MAML2: variants seen among roughly 807,000 people sequenced by gnomAD.
MAML2 encodes the protein mastermind like transcriptional coactivator 2.
A neutral mutation model predicts 96.1 loss-of-function variants in MAML2; 22 were observed. That is an observed-to-expected ratio of 0.23 (90% CI 0.16 to 0.33). MAML2 has a LOEUF of 0.33. MAML2 is among the 10% of genes least tolerant of loss of function. The probability of loss-of-function intolerance (pLI) is 1.00; values close to 1 mark genes in which losing one functional copy is unlikely to be tolerated. For synonymous variants in MAML2, 561 were observed against 521.3 expected, an observed-to-expected ratio of 1.08 and a Z score of -1.04; for missense variants, 1,367 against 1,392.4, an observed-to-expected ratio of 0.98 and a Z score of 0.29.
In MAML2 at chr11:96,093,324, C is replaced by T. The variant is rs1859765019; in HGVS notation, c.707G>A (p.Ser236Asn). The T allele has an allele frequency of 1.2e-6, 2 of 1,613,856 alleles. No individual in the cohort carries two copies. Among genetic ancestry groups the T allele is most frequent in the African/African-American group, 1.3e-5 (1 of 74,900 alleles). ...GTTAGTCTTTCGCAGGGGTGCTTGGCTCATAGGCAAGGTCCCTGACATAAT... is the reference window on the plus strand; with the variant it reads ...GTTAGTCTTTCGCAGGGGTGCTTGGTTCATAGGCAAGGTCCCTGACATAAT... ...SQIMSGTLPM[S>N]QAPLRKTNTL... The change falls in exon 2 of 5, where the codon AGC (serine) becomes AAC (asparagine). Residue 236 changes from serine to asparagine, a missense_variant. Coordinates refer to ENST00000524717, the MANE Select transcript of MAML2 (RefSeq NM_032427.4).
In MAML2 at chr11:96,126,922, T is replaced by C. The variant is rs142720308; in HGVS notation, c.514-33405A>G. Among the ~76,000 whole-genome samples, 299 of 151,906 alleles carry C rather than the reference T, an allele frequency of 2.0e-3. 3 individuals carry two copies. The highest frequency in any genetic ancestry group is 6.8e-3 in the African/African-American group (281 of 41,386). ...TATGGACATGGGGGGGGTCAAATGG[T>C]AGGTATGAGAAAAAGGCTTGAGCAG... is the stretch of plus-strand genomic sequence containing the variant. On this transcript the variant is annotated intron_variant, in intron 1 of 4. Coordinates refer to ENST00000524717, the MANE Select transcript of MAML2 (RefSeq NM_032427.4).
chr11:96,108,520 T>C (rs904061778), intron 1 of MAML2, among the ~76,000 whole-genome samples: 12 of 152,188 alleles, frequency 7.9e-5, no homozygotes, highest in Non-Finnish European at 1.5e-4. Flanking sequence ...CTAACTAATG[T>C]ACCTCAGTTA....
chr11:96,308,046 AT>A (rs1863489424), intron 1 of MAML2, among the ~76,000 whole-genome samples: 1 of 152,164 alleles, frequency 6.6e-6, no homozygotes, highest in Non-Finnish European at 1.5e-5. Flanking sequence ...CTCATGGAAG[AT>A]TCTGGCTTCT....
intron 1 of MAML2, among the ~76,000 whole-genome samples, chr11:96,231,302 A>T (rs1260207168): frequency 6.6e-6 from 1 of 152,156 alleles, no homozygotes; most frequent in Non-Finnish European, 1.5e-5. Context: ...TACAGAAAGG[A>T]AATGCGTTGT....
chr11:96,222,086 CCAGGTAAGT>C (rs1862148660), intron 1 of MAML2, among the ~76,000 whole-genome samples: 1 of 152,254 alleles, frequency 6.6e-6, no homozygotes, highest in African/African-American at 2.4e-5. Context: ...GAAAATGTTT[CCAGGTAAGT>C]CTTCAGGCTG....
Position 96,092,766 on chromosome 11 carries a change from C to T in MAML2, c.1265G>A (p.Arg422Gln), listed in dbSNP as rs559230872. The stretch of plus-strand genomic sequence containing the variant: ...TACTTCCTGCCAGCTTGGCAAGGCC[C>T]GGCTTGCTCCGGAGCCTGTCTGAGG... The part of the protein sequence containing the change: ...AQPQTGSGAS[R>Q]ALPSWQEVSH... The change falls in exon 2 of 5, where the codon CGG (arginine) becomes CAG (glutamine). Residue 422 changes from arginine (R) to glutamine (Q), a missense_variant. Transcript: ENST00000524717. This position sits in a 1 kb window ranked among gnomAD's most constrained non-coding sequence, Gnocchi z 4.1. The T allele has an allele frequency of 7.8e-5, 126 of 1,613,400 alleles. No homozygotes were observed. The highest frequency in any genetic ancestry group is 5.6e-4 in the East Asian group (25 of 44,870).
chr11:96,043,024 G>A (rs931392242), intron 2 of MAML2, among the ~76,000 whole-genome samples: 1 of 152,166 alleles, frequency 6.6e-6, no homozygotes, highest in Admixed American at 6.5e-5. Context: ...GGGATTACAG[G>A]CATGAGCCAC....
At chr11:96,339,754 A>C (rs1863967078) in intron 1 of MAML2, among the ~76,000 whole-genome samples, 1 of 152,206 alleles carries the variant, frequency 6.6e-6, no homozygotes, top group African/African-American at 2.4e-5. Flanking sequence ...GGTGACACAC[A>C]CATACATACA....
At chr11:96,085,225 G>T (rs1040954170) in intron 2 of MAML2, among the ~76,000 whole-genome samples, 3 of 152,008 alleles carry the variant, frequency 2.0e-5, no homozygotes, top group African/African-American at 7.3e-5. Context: ...AATGTAAAAG[G>T]GTTAAGATGA....
At chr11:96,051,186 G>A (rs182600132) in intron 2 of MAML2, among the ~76,000 whole-genome samples, 7 of 152,204 alleles carry the variant, frequency 4.6e-5, no homozygotes, top group Non-Finnish European at 8.8e-5. Flanking sequence ...CCATCCATCC[G>A]TCCAATATTT....
intron 1 of MAML2, among the ~76,000 whole-genome samples, chr11:96,148,316 A>T (rs1350574762): frequency 6.6e-6 from 1 of 152,294 alleles, no homozygotes; most frequent in African/African-American, 2.4e-5. Context: ...ATAAAACAGA[A>T]GGTCTGATTT....
At chr11:96,331,534 C>T (rs1375729831) in intron 1 of MAML2, among the ~76,000 whole-genome samples, 3 of 151,810 alleles carry the variant, frequency 2.0e-5, no homozygotes, top group Non-Finnish European at 4.4e-5. Context: ...CAGTGCCTCA[C>T]GCCTGTAATC....
chr11:96,065,415 G>GCACACACACA (rs35035966), intron 2 of MAML2, among the ~76,000 whole-genome samples: 1,654 of 149,558 alleles, frequency 0.011, 16 homozygotes, highest in Middle Eastern at 0.021. Flanking sequence ...GTGCGTGCAT[G>GCACACACACA]CACACACACA....
intron 1 of MAML2, among the ~76,000 whole-genome samples, chr11:96,203,603 A>T (rs1001411219): frequency 7.2e-5 from 11 of 152,230 alleles, no homozygotes; most frequent in African/African-American, 2.4e-4. Flanking sequence ...CTCTTGAGGC[A>T]CTTATATTCT....
chr11:96,318,860 G>A (rs758703955), intron 1 of MAML2, among the ~76,000 whole-genome samples: 2 of 152,138 alleles, frequency 1.3e-5, no homozygotes, highest in African/African-American at 4.8e-5. Context: ...ACACAGAAGA[G>A]GACATGGTAA....
chr11:96,109,698 T>C (rs761167896), intron 1 of MAML2, among the ~76,000 whole-genome samples: 8 of 152,102 alleles, frequency 5.3e-5, no homozygotes, highest in Non-Finnish European at 1.0e-4. Flanking sequence ...GAGAGGAGTG[T>C]GTTTCATGAT....
chr11:96,325,906 T>C (rs1863769743), intron 1 of MAML2, among the ~76,000 whole-genome samples: 2 of 152,158 alleles, frequency 1.3e-5, no homozygotes, highest in Admixed American at 6.5e-5. Context: ...CAGAAACCCC[T>C]CTTCTAGCTC....
At chr11:96,265,000 A>G (rs1396785314) in intron 1 of MAML2, among the ~76,000 whole-genome samples, 2 of 152,226 alleles carry the variant, frequency 1.3e-5, no homozygotes, top group Non-Finnish European at 2.9e-5. Flanking sequence ...GGAATTACCA[A>G]TACTGAGGCT....
chr11:96,011,333 T>C lies in MAML2; in HGVS notation c.2140-19610A>G, dbSNP rs79688218. 1.6e-3 allele frequency among the ~76,000 whole-genome samples: 239 copies of C among 152,276 alleles called. 2 individuals are homozygous for C. The East Asian group carries it at 0.024, about 15-fold the overall frequency. ...TGGAACCAACCAAGGTATCTACCAA[T>C]GTTGAATTAGTAAGAAAATATGGTA... is the stretch of plus-strand genomic sequence containing the variant. On this transcript the variant is annotated intron_variant, in intron 2 of 4. Transcript: ENST00000524717.
Sources: gnomAD v4.1 joint callset for allele counts (sites outside exome capture counted in the v4.1 genomes callset) on GRCh38, gnomAD v4.1.1 for gene constraint, Gnocchi (gnomAD v3.1) non-coding constraint, MANE v1.5 for transcripts, NCBI Gene and HGNC (gene_info 2026-07-23, HGNC 2026-07-21) for gene names.